Variants in EXPH5 observed in about 807,000 individuals in gnomAD.
EXPH5 encodes exophilin 5.
Under a neutral mutation model 41.1 loss-of-function variants are expected in EXPH5, and 42 were observed. That is an observed-to-expected ratio of 1.02 (90% CI 0.80 to 1.32). EXPH5 has a LOEUF of 1.32. EXPH5 is among the 40% of genes most tolerant of loss of function. EXPH5 has a pLI of 0.00. For synonymous variants in EXPH5, 798 were observed against 833.5 expected, an observed-to-expected ratio of 0.96 and a Z score of 0.73; for missense variants, 2,298 against 2,314.5, an observed-to-expected ratio of 0.99 and a Z score of 0.15.
intron 3 of EXPH5, chr11:108,537,863 A>G (rs866278995): frequency 1.9e-6 from 1 of 526,222 alleles, no homozygotes; most frequent in Non-Finnish European, 2.4e-6. Context: ...TTCTCCCTCA[A>G]ATAAATATTT....
At chr11:108,568,191 CGT>C (rs2094043617) in intron 1 of EXPH5, 1 of 131,084 alleles carries the variant, frequency 7.6e-6, no homozygotes, top group Admixed American at 7.7e-5. Flanking sequence ...GGGGGGAGGG[CGT>C]CTCAATAATC....
At chr11:108,567,030 T>C (rs1186642224) in intron 1 of EXPH5, among the ~76,000 whole-genome samples, 2 of 152,246 alleles carry the variant, frequency 1.3e-5, no homozygotes, top group Non-Finnish European at 2.9e-5. Flanking sequence ...GCCTCTCTTC[T>C]ATTTAACATT....
intron 1 of EXPH5, among the ~76,000 whole-genome samples, chr11:108,542,698 T>A (rs2093919026): frequency 6.6e-6 from 1 of 152,168 alleles, no homozygotes. Context: ...AAAGAAATTA[T>A]TGAATGTAAC....
chr11:108,560,891 A>G (rs1198522383), intron 1 of EXPH5, among the ~76,000 whole-genome samples: 4 of 152,224 alleles, frequency 2.6e-5, no homozygotes, highest in Non-Finnish European at 5.9e-5. Context: ...AGATTCTAGT[A>G]TCTAAATTCC....
At chr11:108,533,302 C>T (rs1565801752) in intron 3 of EXPH5, among the ~76,000 whole-genome samples, 2 of 151,854 alleles carry the variant, frequency 1.3e-5, no homozygotes, top group Non-Finnish European at 2.9e-5. Flanking sequence ...CTCCCGGGTT[C>T]GAGTGATTCT....
Position 108,509,745 on chromosome 11 carries a change from A to G in EXPH5, c.5762T>C (p.Phe1921Ser). The G allele has an allele frequency of 6.2e-7, 1 of 1,606,580 alleles. No homozygotes were observed. Among genetic ancestry groups the G allele is most frequent in the Non-Finnish European group, 8.5e-7 (1 of 1,177,846 alleles). The change falls in exon 6 of 6, where the codon TTC becomes TCC. Residue 1921 changes from phenylalanine (F) to serine (S), a missense_variant. Physicochemically the swap from Phe to Ser is radical, Grantham distance 155. Transcript: ENST00000265843. ...WKPSFLKNPG[F>S]LKDDLRNPPN... ...AGGGTTCCTCAAATCATCTTTTAGG[A>G]AGCCAGGGTTCTTAAGAAAACTTGG...
At chr11:108,514,916 T>C in intron 5 of EXPH5, 41 bp from the exon 6 acceptor site, 7 of 1,312,594 alleles carry the variant, frequency 5.3e-6, no homozygotes, top group East Asian at 5.3e-5. Flanking sequence ...TGTATGTTTT[T>C]ACAGTTTAAT....
the EXPH5 span, among the ~76,000 whole-genome samples, chr11:108,601,428 A>ATTT: frequency 1.1e-4 from 16 of 152,336 alleles, no homozygotes; most frequent in Admixed American, 2.0e-4. Context: ...CTGACTAAGA[A>ATTT]ATGGTCACAT....
At chr11:108,598,597 G>C (rs1412663016), upstream of EXPH5, among the ~76,000 whole-genome samples, 3 of 152,126 alleles carry the variant, frequency 2.0e-5, no homozygotes, top group African/African-American at 7.2e-5. Context: ...GGGGTAGTTG[G>C]GAAGGGTACC....
intron 1 of EXPH5, among the ~76,000 whole-genome samples, chr11:108,554,378 G>A (rs1210867422): frequency 1.3e-5 from 2 of 152,156 alleles, no homozygotes; most frequent in Admixed American, 6.5e-5. Context: ...TTAACTGGGT[G>A]TGATTTTAAC....
At chr11:108,532,367 T>TATATATATATATATATATATATATTTTA (rs61454000) in intron 3 of EXPH5, among the ~76,000 whole-genome samples, 1 of 20,368 alleles carries the variant, frequency 4.9e-5, no homozygotes, top group African/African-American at 3.1e-4. Context: ...TATATATATA[T>TATATATATATATATATATATATATTTTA]TTTTTTTTTT....
the EXPH5 span, among the ~76,000 whole-genome samples, chr11:108,604,647 G>A: frequency 6.6e-6 from 1 of 152,072 alleles, no homozygotes; most frequent in Non-Finnish European, 1.5e-5. Flanking sequence ...ATGGGAATGT[G>A]GAGATGACTT....
chr11:108,520,188 T>A (rs1231689670), intron 4 of EXPH5, among the ~76,000 whole-genome samples: 1 of 152,148 alleles, frequency 6.6e-6, no homozygotes, highest in Admixed American at 6.5e-5. Context: ...CTCACAGGAT[T>A]GCGAACCCTA....
At position 108,512,860 on chromosome 11, in the gene EXPH5, C is replaced by T; in HGVS notation, c.2647G>A (p.Ala883Thr). 2 of 1,614,122 alleles carry T rather than the reference C, an allele frequency of 1.2e-6. No homozygotes were observed. Among genetic ancestry groups the T allele is most frequent in the Non-Finnish European group, 1.7e-6 (2 of 1,179,950 alleles). Residue 883 changes from alanine to threonine, a missense_variant, in exon 6 of 6, where the codon GCA becomes ACA. By Grantham distance (58) the Ala-to-Thr change is moderately conservative (BLOSUM62 0). Coordinates refer to ENST00000265843, the MANE Select transcript of EXPH5 (RefSeq NM_015065.3). The stretch of plus-strand genomic sequence containing the variant: ...TTTGATGGTGAGGAATCTGGTAGTG[C>T]AGCTGATGACAGATCTAAAGAATCA... ...SCDSLDLSSAALPDSSPSKNS... is the reference protein window; with the variant it reads ...SCDSLDLSSATLPDSSPSKNS...
chr11:108,602,274 A>T, the EXPH5 span, among the ~76,000 whole-genome samples: 1 of 152,122 alleles, frequency 6.6e-6, no homozygotes, highest in Non-Finnish European at 1.5e-5. Flanking sequence ...CATTCAACAG[A>T]TATTTATTAG....
chr11:108,516,132 C>G (rs1356875943), intron 5 of EXPH5, among the ~76,000 whole-genome samples: 1 of 150,596 alleles, frequency 6.6e-6, no homozygotes, highest in Non-Finnish European at 1.5e-5. Context: ...TCTTTATGAA[C>G]CATACAGATG....
intron 3 of EXPH5, among the ~76,000 whole-genome samples, chr11:108,536,987 C>T (rs1191742914): frequency 6.6e-6 from 1 of 152,162 alleles, no homozygotes; most frequent in Non-Finnish European, 1.5e-5. Context: ...ACTGTGTGTC[C>T]CTGGGCCATT....
At chr11:108,546,675 G>A (rs569493899) in intron 1 of EXPH5, among the ~76,000 whole-genome samples, 1 of 152,236 alleles carries the variant, frequency 6.6e-6, no homozygotes, top group South Asian at 2.1e-4. Context: ...CAATCATTAA[G>A]TATTTGCATA....
chr11:108,569,621 G>A (rs1688246946), intron 1 of EXPH5, among the ~76,000 whole-genome samples: 1 of 152,198 alleles, frequency 6.6e-6, no homozygotes, highest in Non-Finnish European at 1.5e-5. Context: ...TTATAGGCGT[G>A]AGCCACTGCT....
Sources: gnomAD v4.1 joint callset for allele counts (sites outside exome capture counted in the v4.1 genomes callset) on GRCh38, gnomAD v4.1.1 for gene constraint, MANE v1.5 for transcripts, NCBI Gene and HGNC (gene_info 2026-07-23, HGNC 2026-07-21) for gene names.